Variants in ASAP2 observed in about 807,000 individuals in gnomAD.
ASAP2 encodes ArfGAP with SH3 domain, ankyrin repeat and PH domain 2.
ASAP2 carries 45 observed loss-of-function variants against 131.4 expected under a neutral mutation model. The ratio of observed to expected loss-of-function variants is 0.34; its 90% CI spans 0.27 to 0.44. The LOEUF is 0.44. Ranked by LOEUF, ASAP2 falls within the 20% of genes least tolerant of loss-of-function variation. The pLI is 1.00. For missense variants in ASAP2, 1,011 were observed against 1,297.0 expected (o/e 0.78, Z 3.39); for synonymous variants, 510 against 503.0 (o/e 1.01, Z -0.19).
intron 15 of ASAP2, among the ~76,000 whole-genome samples, chr2:9,361,519 T>G (rs1673076739): frequency 6.6e-6 from 1 of 152,086 alleles, no homozygotes. Flanking sequence ...CTTCTTTCTT[T>G]CTTTTCTTTT....
intron 1 of ASAP2, among the ~76,000 whole-genome samples, chr2:9,235,474 G>T (rs1663483795): frequency 6.6e-6 from 1 of 152,194 alleles, no homozygotes; most frequent in Non-Finnish European, 1.5e-5. Flanking sequence ...TCCAGCAGAG[G>T]CCGGATGTGT....
At chr2:9,313,583 T>A (rs1669456379) in intron 3 of ASAP2, among the ~76,000 whole-genome samples, 1 of 152,234 alleles carries the variant, frequency 6.6e-6, no homozygotes, top group South Asian at 2.1e-4. Flanking sequence ...GGACAGCGAC[T>A]CTAATCCTCC....
rs370873207 is a variant in ASAP2 at position 9,285,404 on chromosome 2, G to A, written c.199+6015G>A. 1.2e-4 allele frequency among the ~76,000 whole-genome samples: 18 copies of A among 152,242 alleles called. No individual in the cohort carries two copies. The East Asian group carries it at 1.9e-3, about 16-fold the overall frequency. The stretch of plus-strand genomic sequence containing the variant: ...ACAAAAGGGTATCTGCATGTCCCAC[G>A]TGTATACAAAACAGTAGTCTTCTTC... On this transcript the variant is annotated intron_variant, in intron 2 of 27. Transcript: ENST00000281419.
chr2:9,295,717 A>G (rs560907202), intron 2 of ASAP2, among the ~76,000 whole-genome samples: 1 of 152,328 alleles, frequency 6.6e-6, no homozygotes, highest in South Asian at 2.1e-4. Flanking sequence ...TCAGAAATTC[A>G]TTTAATTTAT....
chr2:9,327,016 G>A (rs1320298737), intron 6 of ASAP2, among the ~76,000 whole-genome samples: 1 of 152,180 alleles, frequency 6.6e-6, no homozygotes, highest in East Asian at 1.9e-4. Context: ...GGACCTATAG[G>A]TGGTTGTTAC....
At chr2:9,333,319 A>G (rs1021789232) in intron 7 of ASAP2, among the ~76,000 whole-genome samples, 1 of 152,264 alleles carries the variant, frequency 6.6e-6, no homozygotes, top group Non-Finnish European at 1.5e-5. Flanking sequence ...CTAGAACTTC[A>G]TATCTAATGA....
At chr2:9,344,875 A>C in intron 11 of ASAP2, 75 bp downstream of exon 11, 12 of 1,314,556 alleles carry the variant, frequency 9.1e-6, no homozygotes, top group Non-Finnish European at 1.3e-5. Context: ...CTGAAGTTAG[A>C]GGGCAGGAGT....
At chr2:9,402,828 G>C (rs1477443881) in intron 27 of ASAP2, among the ~76,000 whole-genome samples, 1 of 152,198 alleles carries the variant, frequency 6.6e-6, no homozygotes, top group African/African-American at 2.4e-5. Flanking sequence ...CCTTCCACAA[G>C]TACTTAACTC....
rs574855487 is a variant in ASAP2, at chr2:9,245,360, C to T, written c.127-33957C>T. The stretch of plus-strand genomic sequence containing the variant: ...TGGGGTGGGTGGGGGCTGCCTGACA[C>T]GGAGCCAGCCTGCCTGGCCACTTCT... On this transcript the variant is annotated intron_variant, in intron 1 of 27. Coordinates refer to ENST00000281419, the MANE Select transcript of ASAP2 (RefSeq NM_003887.3). Among the ~76,000 whole-genome samples the T allele has an allele frequency of 2.1e-4, 32 of 152,236 alleles. No homozygotes were observed. In the East Asian group the frequency reaches 5.0e-3, roughly 24 times the overall value.
Position 9,388,394 on chromosome 2 carries a change from A to G in ASAP2, c.2231A>G (p.Asn744Ser), listed in dbSNP as rs1327587323. The G allele has an allele frequency of 1.9e-6, 3 of 1,614,112 alleles. No individual in the cohort carries two copies. Among genetic ancestry groups the G allele is most frequent in the Non-Finnish European group, 2.5e-6 (3 of 1,180,004 alleles). The change falls in exon 22 of 28, where the codon AAC becomes AGC. Residue 744 changes from asparagine to serine, a missense_variant. Asn to Ser is a conservative substitution (Grantham distance 46). Transcript: ENST00000281419. Reference sequence around the variant, plus strand: ...GTATCTTTGGCCAGAGATGCTGCAAACCTTGCCAAGGAGAAGCAGAGGGCT... The same window carrying G: ...GTATCTTTGGCCAGAGATGCTGCAAGCCTTGCCAAGGAGAAGCAGAGGGCT... Reference protein sequence around the residue: ...NAVSLARDAANLAKEKQRAFM... With the variant: ...NAVSLARDAASLAKEKQRAFM...
At position 9,335,094 on chromosome 2, in the gene ASAP2, T is replaced by C. The variant is rs1386747465; in HGVS notation, c.764T>C (p.Ile255Thr). Residue 255 changes from isoleucine to threonine, a missense_variant and splice_region_variant, in exon 9 of 28, where the codon ATC becomes ACC. Ile to Thr is a moderately conservative substitution (Grantham distance 89). Transcript: ENST00000281419. ...TGTTGTGTGTGTGTGTTTTTAAAGA[T>C]CAAACAGGCCCAGGATGAAGAAAGA... ...IETLSTDLHT[I>T]KQAQDEERRQ... 1 of 1,613,786 alleles carries C rather than the reference T, an allele frequency of 6.2e-7. No homozygotes were observed. Among genetic ancestry groups the C allele is most frequent in the Non-Finnish European group, 8.5e-7 (1 of 1,179,886 alleles).
rs1057447034 is a variant in ASAP2, at chr2:9,207,722, C to T, written c.126+492C>T. Among the ~76,000 whole-genome samples, 4 of 151,990 alleles carry T rather than the reference C, an allele frequency of 2.6e-5. No homozygotes were observed. Among genetic ancestry groups the T allele is most frequent in the Non-Finnish European group, 5.9e-5 (4 of 67,954 alleles). ...GCGGGTCCGGGGCATCCCGGGCTGC[C>T]CGGGAAGGCGTGCCCGCCTCAGCCA... On this transcript the variant is annotated intron_variant, in intron 1 of 27. Coordinates refer to ENST00000281419, the MANE Select transcript of ASAP2 (RefSeq NM_003887.3). This position sits in a 1 kb window ranked among gnomAD's most constrained non-coding sequence, Gnocchi z 4.1.
intron 1 of ASAP2, among the ~76,000 whole-genome samples, chr2:9,225,519 A>G (rs544112371): frequency 1.3e-5 from 2 of 152,314 alleles, no homozygotes; most frequent in African/African-American, 4.8e-5. Context: ...CTCTGAGGTC[A>G]TGAGTAAGTC....
In ASAP2 at chr2:9,346,949, C is replaced by T. The variant is rs866766513; in HGVS notation, c.1023+2149C>T. 1.1e-4 allele frequency among the ~76,000 whole-genome samples: 17 copies of T among 152,300 alleles called. 1 individual carries two copies. The highest frequency in any genetic ancestry group is 3.4e-3 in the Middle Eastern group (1 of 294). ...TTGCCCCAGTTTTTGGCAGATAGTA[C>T]GGTTATAACCGGCATTACTGGGATG... is the stretch of plus-strand genomic sequence containing the variant. On this transcript the variant is annotated intron_variant, in intron 11 of 27. Transcript: ENST00000281419.
chr2:9,338,413 G>A (rs958112765), intron 9 of ASAP2, among the ~76,000 whole-genome samples: 11 of 151,864 alleles, frequency 7.2e-5, no homozygotes, highest in Admixed American at 7.2e-4. Context: ...GGATGTGATA[G>A]AACAGTTTGT....
intron 1 of ASAP2, among the ~76,000 whole-genome samples, chr2:9,269,481 G>T (rs565260115): frequency 6.6e-6 from 1 of 152,326 alleles, no homozygotes; most frequent in Non-Finnish European, 1.5e-5. Flanking sequence ...CAGGATGGAG[G>T]CCCTGTAGGG....
chr2:9,277,034 T>TGCTGGAGCCAATGGCAAAG (rs1666804036), intron 1 of ASAP2, among the ~76,000 whole-genome samples: 1 of 152,040 alleles, frequency 6.6e-6, no homozygotes, highest in African/African-American at 2.4e-5. Flanking sequence ...GATCAGATCC[T>TGCTGGAGCCAATGGCAAAG]GCTGGAGCCA....
At chr2:9,402,326 T>A (rs543696148) in intron 27 of ASAP2, among the ~76,000 whole-genome samples, 139 of 152,202 alleles carry the variant, frequency 9.1e-4, no homozygotes, top group Non-Finnish European at 1.5e-3. Flanking sequence ...CGTTTGCCCT[T>A]AATGGATTGA....
At chr2:9,336,667 C>T (rs1177806232) in intron 9 of ASAP2, among the ~76,000 whole-genome samples, 1 of 152,204 alleles carries the variant, frequency 6.6e-6, no homozygotes, top group Non-Finnish European at 1.5e-5. Context: ...GGACCTACAA[C>T]ATGGTGACTT....
Sources: allele counts gnomAD v4.1 joint callset (sites outside exome capture counted in the v4.1 genomes callset), GRCh38; gene constraint gnomAD v4.1.1; non-coding constraint Gnocchi (gnomAD v3.1); transcripts MANE v1.5; gene names NCBI Gene and HGNC (gene_info 2026-07-23, HGNC 2026-07-21).